Variants in SEMA3E observed in about 807,000 individuals in gnomAD.
SEMA3E encodes the protein semaphorin-3E.
A neutral mutation model predicts 93.6 loss-of-function variants in SEMA3E; 49 were observed. The ratio of observed to expected loss-of-function variants is 0.52; its 90% CI spans 0.42 to 0.66. The LOEUF is 0.66. Among genes scored for constraint, SEMA3E ranks in the 30% least tolerant of loss-of-function variants. The pLI is 0.00. For missense variants in SEMA3E, 906 were observed against 964.8 expected, an observed-to-expected ratio of 0.94 and a Z score of 0.81; for synonymous variants, 363 against 330.7, an observed-to-expected ratio of 1.10 and a Z score of -1.06.
At position 83,400,127 on chromosome 7, in the gene SEMA3E, T is replaced by C. The variant is rs1278493247; in HGVS notation, c.1267A>G (p.Ile423Val). 3 of 1,613,926 alleles carry C rather than the reference T, an allele frequency of 1.9e-6. No homozygotes were observed. Among genetic ancestry groups the C allele is most frequent in the Admixed American group, 1.7e-5 (1 of 59,956 alleles). The change falls in exon 11 of 17, where the codon ATA becomes GTA. Residue 423 changes from isoleucine to valine, a missense_variant. By Grantham distance (29) the Ile-to-Val change is conservative. Transcript: ENST00000643230. ...TATTTTCCATCTGTTTTTACCAATATTGGTTTTTTATGGGCAGGTTTTATG... is the reference window on the plus strand; with the variant it reads ...TATTTTCCATCTGTTTTTACCAATACTGGTTTTTTATGGGCAGGTTTTATG... The part of the protein sequence containing the change: ...QAIKPAHKKP[I>V]LVKTDGKYNL...
chr7:83,582,153 A>G (rs373341101), intron 1 of SEMA3E, among the ~76,000 whole-genome samples: 1 of 151,348 alleles, frequency 6.6e-6, no homozygotes, highest in East Asian at 1.9e-4. Context: ...ACTATAATAA[A>G]CTAGTAATTT....
intron 4 of SEMA3E, among the ~76,000 whole-genome samples, chr7:83,465,133 C>T (rs1007243749): frequency 6.6e-6 from 1 of 152,122 alleles, no homozygotes; most frequent in Non-Finnish European, 1.5e-5. Flanking sequence ...GAAAGTCCTT[C>T]TCCTGGCTCA....
intron 9 of SEMA3E, among the ~76,000 whole-genome samples, chr7:83,404,510 C>T (rs1788290107): frequency 6.6e-6 from 1 of 151,956 alleles, no homozygotes; most frequent in Non-Finnish European, 1.5e-5. Flanking sequence ...TTTACCTGCA[C>T]TATGCCTTAC....
At chr7:83,394,580 GT>G (rs1368369983) in intron 12 of SEMA3E, among the ~76,000 whole-genome samples, 1 of 85,958 alleles carries the variant, frequency 1.2e-5, no homozygotes, top group Non-Finnish European at 3.1e-5. Flanking sequence ...CCAGCTTACT[GT>G]TTGGAATATG....
intron 2 of SEMA3E, among the ~76,000 whole-genome samples, chr7:83,474,769 T>C (rs1455925526): frequency 6.6e-6 from 1 of 152,180 alleles, no homozygotes; most frequent in Non-Finnish European, 1.5e-5. Context: ...GGTCGAATCC[T>C]AGAAGTGAAG....
intron 16 of SEMA3E, among the ~76,000 whole-genome samples, chr7:83,369,585 T>C (rs764990947): frequency 3.9e-5 from 6 of 152,158 alleles, no homozygotes; most frequent in Non-Finnish European, 7.4e-5. Flanking sequence ...TTCCCTTGAC[T>C]TGGTGGGACC....
chr7:83,622,712 C>T (rs1007543550), intron 1 of SEMA3E, among the ~76,000 whole-genome samples: 11 of 152,124 alleles, frequency 7.2e-5, no homozygotes, highest in Admixed American at 4.6e-4. Context: ...CCATTATCCT[C>T]GGCAAACTAA....
At chr7:83,484,466 C>G (rs985358233) in intron 2 of SEMA3E, among the ~76,000 whole-genome samples, 1 of 152,154 alleles carries the variant, frequency 6.6e-6, no homozygotes, top group Non-Finnish European at 1.5e-5. Context: ...CAATGCCTGT[C>G]CATCTGTTTC....
intron 4 of SEMA3E, among the ~76,000 whole-genome samples, chr7:83,442,582 G>T (rs1417019249): frequency 6.6e-6 from 1 of 150,926 alleles, no homozygotes; most frequent in Non-Finnish European, 1.5e-5. Flanking sequence ...GAGTTTACTT[G>T]CTTGTTATTT....
intron 16 of SEMA3E, among the ~76,000 whole-genome samples, chr7:83,382,651 A>G (rs1468608280): frequency 6.6e-6 from 1 of 151,480 alleles, no homozygotes; most frequent in Non-Finnish European, 1.5e-5. Flanking sequence ...TACATTTATA[A>G]TTCTTAATAA....
At chr7:83,613,842 T>C (rs1173494444) in intron 1 of SEMA3E, among the ~76,000 whole-genome samples, 1 of 151,958 alleles carries the variant, frequency 6.6e-6, no homozygotes, top group Non-Finnish European at 1.5e-5. Context: ...TATTAAAGAG[T>C]AAAAAATGTA....
chr7:83,455,357 A>G (rs1002353380), intron 4 of SEMA3E, among the ~76,000 whole-genome samples: 6 of 152,242 alleles, frequency 3.9e-5, no homozygotes, highest in Non-Finnish European at 7.3e-5. Context: ...GGAGAAATGC[A>G]GTTTTCTTTT....
chr7:83,560,187 G>C (rs929488349), intron 1 of SEMA3E, among the ~76,000 whole-genome samples: 4 of 152,038 alleles, frequency 2.6e-5, no homozygotes, highest in African/African-American at 4.8e-5. Flanking sequence ...ATATACACCA[G>C]CAAGAGTAAA....
rs967382126 is a variant in SEMA3E, at chr7:83,364,286, A to G, written c.*3300T>C. The stretch of plus-strand genomic sequence containing the variant: ...CTTATAGTATTTTACAAATTTTACA[A>G]ATGTTTATAATTACTATGAAGATTT... On this transcript the variant is annotated 3_prime_UTR_variant, in exon 17 of 17. Transcript: ENST00000643230. The G allele has an allele frequency of 1.3e-5, 2 of 152,198 alleles. No homozygotes were observed. The highest frequency in any genetic ancestry group is 4.8e-5 in the African/African-American group (2 of 41,456). The allele number at this position is 152,198 out of a possible 1,614,324, so 9.4% of individuals were successfully genotyped here. A position where few individuals can be genotyped will look rare whatever the true frequency, so the allele number is the denominator to read the frequency against.
intron 4 of SEMA3E, among the ~76,000 whole-genome samples, chr7:83,435,805 A>G (rs923976600): frequency 2.0e-5 from 3 of 152,198 alleles, no homozygotes; most frequent in East Asian, 1.9e-4. Flanking sequence ...GTAAAATTCC[A>G]TGGTTAATAT....
chr7:83,424,858 A>C, intron 4 of SEMA3E: 1 of 242,826 alleles, frequency 4.1e-6, no homozygotes, highest in East Asian at 1.0e-4. Flanking sequence ...GCTTGCTTTG[A>C]AGATGGAGGA....
rs936481692 is a variant in SEMA3E at position 83,479,585 on chromosome 7, C to T, written c.277-10283G>A. ...GAAGATAGTAAATATTAAGGCGGTGCTTACTATGTTCCAGGCACTGTTCTG... is the reference window on the plus strand; with the variant it reads ...GAAGATAGTAAATATTAAGGCGGTGTTTACTATGTTCCAGGCACTGTTCTG... On this transcript the variant is annotated intron_variant, in intron 2 of 16. Coordinates refer to ENST00000643230, the MANE Select transcript of SEMA3E (RefSeq NM_012431.3). 1.1e-4 allele frequency among the ~76,000 whole-genome samples: 17 copies of T among 152,148 alleles called. 1 individual carries two copies. Among genetic ancestry groups the T allele is most frequent in the Admixed American group, 9.8e-4 (15 of 15,266 alleles).
intron 1 of SEMA3E, among the ~76,000 whole-genome samples, chr7:83,558,039 T>C (rs769045099): frequency 1.1e-4 from 16 of 152,116 alleles, no homozygotes; most frequent in Non-Finnish European, 2.1e-4. Flanking sequence ...TAGGAAACAT[T>C]TGAGGACCTT....
intron 1 of SEMA3E, among the ~76,000 whole-genome samples, chr7:83,580,142 T>G (rs2115902271): frequency 6.6e-6 from 1 of 152,210 alleles, no homozygotes; most frequent in African/African-American, 2.4e-5. Context: ...CGATGACATC[T>G]TAAATCTCTT....
Sources: gnomAD v4.1 joint callset for allele counts (sites outside exome capture counted in the v4.1 genomes callset) on GRCh38, gnomAD v4.1.1 for gene constraint, MANE v1.5 for transcripts, NCBI Gene and HGNC (gene_info 2026-07-23, HGNC 2026-07-21) for gene names.